The following SOX13 variants were observed in gnomAD, a reference collection of about 807,000 sequenced individuals.
The protein encoded by SOX13 is SRY-box transcription factor 13, also known as transcription factor SOX-13.
In SOX13, 28 loss-of-function variants were observed where a neutral mutation model predicts 71.8. That is an observed-to-expected ratio of 0.39 (90% CI 0.29 to 0.53). SOX13 has a LOEUF of 0.53. Ranked by LOEUF, SOX13 falls within the 20% of genes least tolerant of loss-of-function variation. SOX13 has a pLI of 0.70. For synonymous variants in SOX13, 309 were observed against 317.8 expected, an observed-to-expected ratio of 0.97 and a Z score of 0.29; for missense variants, 627 against 810.3, an observed-to-expected ratio of 0.77 and a Z score of 2.75.
intron 1 of SOX13, among the ~76,000 whole-genome samples, chr1:204,102,643 G>A (rs73069931): frequency 0.011 from 1,626 of 151,450 alleles, 26 homozygotes; most frequent in African/African-American, 0.037. Context: ...AGAGGGTGGC[G>A]GGCCCTGGTG....
intron 1 of SOX13, among the ~76,000 whole-genome samples, chr1:204,095,347 C>T (rs1248567941): frequency 1.3e-5 from 2 of 152,162 alleles, no homozygotes; most frequent in African/African-American, 4.8e-5. Flanking sequence ...ATCCTAAATA[C>T]ACCTTGTCTC....
chr1:204,102,563 C>G (rs1333688912), intron 1 of SOX13, among the ~76,000 whole-genome samples: 1 of 151,818 alleles, frequency 6.6e-6, no homozygotes, highest in Non-Finnish European at 1.5e-5. Flanking sequence ...TTGGGGACAT[C>G]AACAGGGCAT....
At chr1:204,111,681 C>T (rs1385261973) in intron 1 of SOX13, among the ~76,000 whole-genome samples, 4 of 152,062 alleles carry the variant, frequency 2.6e-5, no homozygotes, top group Admixed American at 6.5e-5. Context: ...TAAAGCCAAT[C>T]ATCTCAGTCT....
chr1:204,087,334 A>T (rs1376216165), intron 1 of SOX13, among the ~76,000 whole-genome samples: 1 of 152,232 alleles, frequency 6.6e-6, no homozygotes, highest in Non-Finnish European at 1.5e-5. Context: ...CAGAGGGGTC[A>T]GGTGCCTGCC....
intron 1 of SOX13, among the ~76,000 whole-genome samples, chr1:204,088,790 G>A (rs540817767): frequency 1.4e-3 from 219 of 152,248 alleles, no homozygotes; most frequent in African/African-American, 5.1e-3. Context: ...ACCTCGCCTC[G>A]TCAGGGATCA....
intron 1 of SOX13, among the ~76,000 whole-genome samples, chr1:204,111,351 C>G (rs1039091251): frequency 4.6e-5 from 7 of 152,196 alleles, no homozygotes; most frequent in Admixed American, 2.0e-4. Flanking sequence ...TAGTCAGTAG[C>G]TGAGGCAGGA....
chr1:204,115,182 T>A lies in SOX13; in HGVS notation c.418+577T>A, dbSNP rs570804111. Among the ~76,000 whole-genome samples the A allele has an allele frequency of 5.9e-4, 90 of 151,864 alleles. 3 individuals carry two copies. Among genetic ancestry groups the A allele is most frequent in the Admixed American group, 2.0e-4 (3 of 15,240 alleles). On this transcript the variant is annotated intron_variant, in intron 4 of 13. Coordinates refer to ENST00000367204, the MANE Select transcript of SOX13 (RefSeq NM_005686.3). The stretch of plus-strand genomic sequence containing the variant: ...CACCAAGCCAGGCTAATTTTTATAT[T>A]TTTTTTGTAGAGATGACGTCTTACT...
intron 1 of SOX13, chr1:204,074,362 C>G (rs1655740735): frequency 6.6e-6 from 1 of 151,506 alleles, no homozygotes; most frequent in Non-Finnish European, 1.5e-5. Flanking sequence ...TTCTTGCTAC[C>G]CCCACCTCCC....
At chr1:204,125,377 C>T (rs1334960040) in intron 13 of SOX13, among the ~76,000 whole-genome samples, 5 of 152,026 alleles carry the variant, frequency 3.3e-5, no homozygotes, top group African/African-American at 1.2e-4. Flanking sequence ...CCAGCCTGGG[C>T]AACATAGTGA....
At chr1:204,089,687 C>T (rs1250844812) in intron 1 of SOX13, among the ~76,000 whole-genome samples, 2 of 152,206 alleles carry the variant, frequency 1.3e-5, no homozygotes, top group African/African-American at 4.8e-5. Flanking sequence ...GCCCTGCGGG[C>T]ACCAGGGCTG....
chr1:204,112,194 A>G (rs1008508786), intron 1 of SOX13, among the ~76,000 whole-genome samples: 4 of 152,172 alleles, frequency 2.6e-5, no homozygotes, highest in Admixed American at 2.6e-4. Context: ...TAATTCCAGC[A>G]CTTTGGGAGG....
chr1:204,114,025 T>G (rs552034878), intron 2 of SOX13, among the ~76,000 whole-genome samples: 36 of 152,326 alleles, frequency 2.4e-4, no homozygotes, highest in South Asian at 4.1e-4. Flanking sequence ...GTATTAATAT[T>G]TCCATTTTCA....
chr1:204,104,955 G>A (rs1056496290), intron 1 of SOX13, among the ~76,000 whole-genome samples: 1 of 152,218 alleles, frequency 6.6e-6, no homozygotes, highest in Non-Finnish European at 1.5e-5. Flanking sequence ...GGAAGTGGCT[G>A]GTGATTTGTT....
intron 1 of SOX13, among the ~76,000 whole-genome samples, chr1:204,087,820 G>A (rs34618698): frequency 0.053 from 8,140 of 152,276 alleles, 321 homozygotes; most frequent in Non-Finnish European, 0.082. Context: ...GGCTTGTCTC[G>A]GGTACCTCAT....
At chr1:204,086,689 C>G (rs1048162667) in intron 1 of SOX13, among the ~76,000 whole-genome samples, 2 of 152,126 alleles carry the variant, frequency 1.3e-5, no homozygotes, top group African/African-American at 4.8e-5. Context: ...TGGGTTTTGA[C>G]TCTAAATATG....
At chr1:204,076,212 G>A in intron 1 of SOX13, among the ~76,000 whole-genome samples, 1 of 152,184 alleles carries the variant, frequency 6.6e-6, no homozygotes, top group Non-Finnish European at 1.5e-5. Flanking sequence ...GGAAGGAATT[G>A]TCTCCAAAAG....
At position 204,123,749 on chromosome 1, in the gene SOX13, G is replaced by T; in HGVS notation, c.1320G>T (p.Arg440Ser). Residue 440 changes from arginine to serine, a missense_variant, in exon 12 of 14, where the codon AGG (arginine) becomes AGT (serine). Transcript: ENST00000367204. The surrounding 1 kb of genome is among the most constrained non-coding windows in gnomAD (Gnocchi z 5.0). ...AFMVWAKDER[R>S]KILQAFPDMH... ...TGGTGTGGGCCAAGGATGAGCGGAG[G>T]AAGATCCTGCAAGCCTTCCCAGACA... 6.2e-7 allele frequency: 1 copy of T among 1,614,208 alleles called. No homozygotes were observed. Among genetic ancestry groups the T allele is most frequent in the Non-Finnish European group, 8.5e-7 (1 of 1,180,042 alleles).
chr1:204,122,079 C>A, intron 8 of SOX13, 94 bp downstream of exon 8: 1 of 1,055,164 alleles, frequency 9.5e-7, no homozygotes. Context: ...ACTGGTGAGC[C>A]CTGGCATCCT....
At chr1:204,074,091 C>T (rs1655732974) in intron 1 of SOX13, 1 of 152,148 alleles carries the variant, frequency 6.6e-6, no homozygotes, top group South Asian at 2.1e-4. Flanking sequence ...CTAGGTCTTT[C>T]TCATCAGCCC....
Sources: allele counts gnomAD v4.1 joint callset (sites outside exome capture counted in the v4.1 genomes callset), GRCh38; gene constraint gnomAD v4.1.1; non-coding constraint Gnocchi (gnomAD v3.1); transcripts MANE v1.5; gene names NCBI Gene and HGNC (gene_info 2026-07-23, HGNC 2026-07-21).